Variants in WDR70 observed in about 807,000 individuals in gnomAD.
WDR70 encodes WD repeat domain 70.
A neutral mutation model predicts 88.6 loss-of-function variants in WDR70; 53 were observed. The observed-to-expected ratio is 0.60, with a 90% confidence interval of 0.48 to 0.75. The LOEUF is 0.75. WDR70 is among the 30% of genes least tolerant of loss of function. The pLI, the probability that WDR70 is intolerant of heterozygous loss-of-function variation, is 0.00. For synonymous variants in WDR70, 280 were observed against 270.0 expected, an observed-to-expected ratio of 1.04 and a Z score of -0.36; for missense variants, 610 against 823.2, an observed-to-expected ratio of 0.74 and a Z score of 3.17.
At chr5:37,683,819 T>G (rs1746508035) in intron 10 of WDR70, among the ~76,000 whole-genome samples, 1 of 152,190 alleles carries the variant, frequency 6.6e-6, no homozygotes, top group Non-Finnish European at 1.5e-5. Flanking sequence ...ATTATGTATC[T>G]TGGAATGATC....
At chr5:37,691,881 C>T (rs1343870691) in intron 10 of WDR70, among the ~76,000 whole-genome samples, 1 of 152,048 alleles carries the variant, frequency 6.6e-6, no homozygotes, top group East Asian at 1.9e-4. Context: ...GAAATAGAGA[C>T]ACAAAAAACC....
chr5:37,433,345 G>A (rs140687919), intron 5 of WDR70, among the ~76,000 whole-genome samples: 5 of 152,302 alleles, frequency 3.3e-5, no homozygotes, highest in Non-Finnish European at 5.9e-5. Flanking sequence ...ACAGGCATGA[G>A]CCACCGTGCC....
At chr5:37,523,146 A>G (rs1202199227) in intron 9 of WDR70, among the ~76,000 whole-genome samples, 1 of 152,192 alleles carries the variant, frequency 6.6e-6, no homozygotes, top group Non-Finnish European at 1.5e-5. Flanking sequence ...TTCTCCTAGC[A>G]TGGAGTTTGA....
At chr5:37,612,083 C>T (rs1015027583) in intron 10 of WDR70, among the ~76,000 whole-genome samples, 4 of 151,920 alleles carry the variant, frequency 2.6e-5, no homozygotes, top group Admixed American at 2.6e-4. Context: ...TAAAGTAGCA[C>T]GGTATTCACT....
intron 9 of WDR70, among the ~76,000 whole-genome samples, chr5:37,546,954 G>C (rs6866115): frequency 0.015 from 2,304 of 152,066 alleles, 49 homozygotes; most frequent in African/African-American, 0.053. Flanking sequence ...TATTTTTAAA[G>C]AAGAATGTAG....
chr5:37,738,403 A>C (rs1748367589), intron 17 of WDR70, among the ~76,000 whole-genome samples: 1 of 152,200 alleles, frequency 6.6e-6, no homozygotes, highest in African/African-American at 2.4e-5. Flanking sequence ...ATCATATCAG[A>C]GGAACATCCA....
chr5:37,634,795 A>G (rs1158866548), intron 10 of WDR70, among the ~76,000 whole-genome samples: 1 of 152,194 alleles, frequency 6.6e-6, no homozygotes, highest in African/African-American at 2.4e-5. Context: ...AAGTAACTGG[A>G]GACCCAGGCT....
chr5:37,716,190 C>T (rs1188048892), intron 13 of WDR70, among the ~76,000 whole-genome samples: 3 of 152,068 alleles, frequency 2.0e-5, no homozygotes, highest in South Asian at 2.1e-4. Context: ...GTGGAGGATC[C>T]GGAAATGGAG....
At position 37,661,747 on chromosome 5, in the gene WDR70, G is replaced by A. The variant is rs535143149; in HGVS notation, c.1093-35908G>A. On this transcript the variant is annotated intron_variant, in intron 10 of 17. Coordinates refer to ENST00000265107, the MANE Select transcript of WDR70 (RefSeq NM_018034.4). ...TTGAGCCAGATAACCAGTCTGGGTC[G>A]TGTTAGCTGATCCATCAAGTGCAGG... Among the ~76,000 whole-genome samples, 9 of 152,248 alleles carry A rather than the reference G, an allele frequency of 5.9e-5. No individual in the cohort carries two copies. The South Asian group carries it at 1.5e-3, about 25-fold the overall frequency.
At chr5:37,410,398 T>C (rs1386262130) in intron 5 of WDR70, among the ~76,000 whole-genome samples, 1 of 152,000 alleles carries the variant, frequency 6.6e-6, no homozygotes, top group South Asian at 2.1e-4. Context: ...TTCTCATTCC[T>C]CCAGTTTCTG....
intron 13 of WDR70, among the ~76,000 whole-genome samples, chr5:37,713,929 C>G (rs1747584773): frequency 6.6e-6 from 1 of 152,184 alleles, no homozygotes. Flanking sequence ...TCTGGCCAAA[C>G]TTTCACAATT....
At chr5:37,446,763 T>C (rs1262568141) in intron 7 of WDR70, among the ~76,000 whole-genome samples, 1 of 152,202 alleles carries the variant, frequency 6.6e-6, no homozygotes, top group Non-Finnish European at 1.5e-5. Context: ...CTGGATCCCT[T>C]CCTTATACCT....
At chr5:37,593,655 G>T (rs1347376212) in intron 9 of WDR70, among the ~76,000 whole-genome samples, 1 of 152,152 alleles carries the variant, frequency 6.6e-6, no homozygotes, top group African/African-American at 2.4e-5. Context: ...AATCCTTTGG[G>T]TATATACCCA....
intron 8 of WDR70, among the ~76,000 whole-genome samples, chr5:37,495,387 C>T (rs777730456): frequency 6.6e-5 from 10 of 151,966 alleles, no homozygotes; most frequent in Non-Finnish European, 1.5e-4. Flanking sequence ...GTTTTTATAA[C>T]TTGTCATTGG....
In WDR70 at chr5:37,517,993, C is replaced by A. The variant is rs184625291; in HGVS notation, c.917+1403C>A. Among the ~76,000 whole-genome samples, 239 of 151,524 alleles carry A rather than the reference C, an allele frequency of 1.6e-3. 2 individuals are homozygous for A. The highest frequency in any genetic ancestry group is 5.6e-3 in the African/African-American group (231 of 41,404). Reference sequence around the variant, plus strand: ...GCAGTGTCACGATCTCGGCTCACTGCACCTTCCAACTCCCAGGTTCAAGTG... The same window carrying A: ...GCAGTGTCACGATCTCGGCTCACTGAACCTTCCAACTCCCAGGTTCAAGTG... On this transcript the variant is annotated intron_variant, in intron 9 of 17. Transcript: ENST00000265107.
At chr5:37,581,538 A>C (rs1405570816) in intron 9 of WDR70, among the ~76,000 whole-genome samples, 1 of 152,156 alleles carries the variant, frequency 6.6e-6, no homozygotes, top group Non-Finnish European at 1.5e-5. Flanking sequence ...ACTCTTTAAC[A>C]CAAGTCCAAG....
intron 10 of WDR70, among the ~76,000 whole-genome samples, chr5:37,621,217 C>G (rs1179762432): frequency 6.6e-6 from 1 of 152,084 alleles, no homozygotes; most frequent in Non-Finnish European, 1.5e-5. Context: ...TATTTGCATA[C>G]TACTTTTATA....
chr5:37,391,390 CTA>C (rs2111883411), intron 3 of WDR70, among the ~76,000 whole-genome samples: 1 of 152,300 alleles, frequency 6.6e-6, no homozygotes, highest in South Asian at 2.1e-4. Flanking sequence ...GACTGAAACT[CTA>C]TACATATTAA....
chr5:37,497,431 T>TCCCTTCCCTTCCGTCTC, intron 8 of WDR70, among the ~76,000 whole-genome samples: 1 of 124,034 alleles, frequency 8.1e-6, no homozygotes, highest in Admixed American at 7.9e-5. Flanking sequence ...CCTTCCCTCT[T>TCCCTTCCCTTCCGTCTC]CCCTTCCCTT....
Sources: allele counts gnomAD v4.1 joint callset (sites outside exome capture counted in the v4.1 genomes callset), GRCh38; gene constraint gnomAD v4.1.1; transcripts MANE v1.5; gene names NCBI Gene and HGNC (gene_info 2026-07-23, HGNC 2026-07-21).